EYA2: variants seen among roughly 807,000 people sequenced by gnomAD.
The protein encoded by EYA2 is EYA transcriptional coactivator and phosphatase 2.
Under a neutral mutation model 69.2 loss-of-function variants are expected in EYA2, and 31 were observed. The ratio of observed to expected loss-of-function variants is 0.45; its 90% CI spans 0.34 to 0.60. EYA2 has a LOEUF of 0.60. Ranked by LOEUF, EYA2 falls within the 20% of genes least tolerant of loss-of-function variation. The probability of loss-of-function intolerance (pLI) is 0.02; values close to 1 mark genes in which losing one functional copy is unlikely to be tolerated. For synonymous variants in EYA2, 257 were observed against 279.4 expected, an observed-to-expected ratio of 0.92 and a Z score of 0.80; for missense variants, 622 against 701.2, an observed-to-expected ratio of 0.89 and a Z score of 1.28.
rs2029937789 is a variant in EYA2 at position 47,044,596 on chromosome 20, C to T, written c.416-27589C>T. On this transcript the variant is annotated intron_variant, in intron 5 of 15. Coordinates refer to ENST00000327619, the MANE Select transcript of EYA2 (RefSeq NM_005244.5). The stretch of plus-strand genomic sequence containing the variant: ...GTCTCACTAAGAAGTTGGCGTTGAG[C>T]ACATGGTTCATTCAGCGATCACATT... Among the ~76,000 whole-genome samples, 5 of 152,178 alleles carry T rather than the reference C, an allele frequency of 3.3e-5. No individual in the cohort carries two copies. The South Asian group carries it at 1.0e-3, about 32-fold the overall frequency.
intron 5 of EYA2, among the ~76,000 whole-genome samples, chr20:47,063,813 A>G (rs2146458169): frequency 6.6e-6 from 1 of 152,340 alleles, no homozygotes; most frequent in Middle Eastern, 3.4e-3. Flanking sequence ...AGGACTCCTG[A>G]GCTGCTCCCA....
chr20:47,166,827 C>T (rs1229606627), intron 10 of EYA2: 1 of 152,248 alleles, frequency 6.6e-6, no homozygotes, highest in African/African-American at 2.4e-5. Flanking sequence ...GGGTCATGCC[C>T]CTCACTCAAG....
intron 9 of EYA2, among the ~76,000 whole-genome samples, chr20:47,115,083 C>T (rs777827175): frequency 1.3e-5 from 2 of 152,198 alleles, no homozygotes; most frequent in African/African-American, 2.4e-5. Flanking sequence ...AAGATACTTT[C>T]GGGCATGCCG....
intron 1 of EYA2, among the ~76,000 whole-genome samples, chr20:46,926,856 A>G (rs1406860561): frequency 1.3e-5 from 2 of 152,224 alleles, no homozygotes; most frequent in Non-Finnish European, 2.9e-5. Context: ...CCGTGGGCTC[A>G]CTGGTTGCTG....
At chr20:47,126,744 G>A (rs2033200538) in intron 9 of EYA2, among the ~76,000 whole-genome samples, 1 of 152,132 alleles carries the variant, frequency 6.6e-6, no homozygotes, top group African/African-American at 2.4e-5. Context: ...TTCTCAACTA[G>A]GGGTGATCTT....
At chr20:47,095,156 T>TA (rs1170917725) in intron 8 of EYA2, among the ~76,000 whole-genome samples, 6 of 151,948 alleles carry the variant, frequency 3.9e-5, no homozygotes, top group Non-Finnish European at 8.8e-5. Context: ...CTTGCATCCA[T>TA]AAAATAAAAA....
At chr20:46,908,867 GC>G in intron 1 of EYA2, among the ~76,000 whole-genome samples, 1 of 82,624 alleles carries the variant, frequency 1.2e-5, no homozygotes, top group African/African-American at 5.2e-5. Context: ...CCTCTCTCCC[GC>G]ACTTTTTTTT....
chr20:46,915,216 AC>A (rs1291841854), intron 1 of EYA2, among the ~76,000 whole-genome samples: 5 of 152,344 alleles, frequency 3.3e-5, no homozygotes, highest in African/African-American at 1.2e-4. Flanking sequence ...CGGGGCTGCC[AC>A]GTTTTTTCCT....
chr20:46,959,511 C>T (rs991422074), intron 1 of EYA2, among the ~76,000 whole-genome samples: 10 of 152,188 alleles, frequency 6.6e-5, no homozygotes, highest in East Asian at 5.8e-4. Flanking sequence ...TTTAGCTGAT[C>T]GCAGTGAGGC....
chr20:46,986,294 C>G (rs1308857), intron 1 of EYA2, among the ~76,000 whole-genome samples: 42 of 141,210 alleles, frequency 3.0e-4, no homozygotes, highest in African/African-American at 9.3e-4. Context: ...CTCTATATAT[C>G]TAATGTATAT....
At chr20:47,110,731 A>C (rs535261054) in intron 9 of EYA2, among the ~76,000 whole-genome samples, 190 of 152,358 alleles carry the variant, frequency 1.2e-3, no homozygotes, top group African/African-American at 4.5e-3. Flanking sequence ...ATAAACAAAT[A>C]AACAAAGGGC....
intron 1 of EYA2, among the ~76,000 whole-genome samples, chr20:46,977,680 C>T (rs1568699028): frequency 2.0e-5 from 3 of 152,232 alleles, no homozygotes; most frequent in Admixed American, 6.5e-5. Context: ...TTAGTGTCAG[C>T]TGTGTTCCTG....
rs149651364 is a variant in EYA2 at position 47,008,719 on chromosome 20, C to T, written c.298+3635C>T. The stretch of plus-strand genomic sequence containing the variant: ...TGATAAGAGCACATGTCCTGGAATT[C>T]TGCTGCCCAGATTCACATCCCACCC... On this transcript the variant is annotated intron_variant, in intron 4 of 15. Coordinates refer to ENST00000327619, the MANE Select transcript of EYA2 (RefSeq NM_005244.5). Among the ~76,000 whole-genome samples, 722 of 152,336 alleles carry T rather than the reference C, an allele frequency of 4.7e-3. 2 individuals carry two copies. The highest frequency in any genetic ancestry group is 0.01 in the Middle Eastern group (3 of 294).
intron 1 of EYA2, among the ~76,000 whole-genome samples, chr20:46,913,460 G>A (rs907860275): frequency 6.6e-6 from 1 of 152,150 alleles, no homozygotes; most frequent in African/African-American, 2.4e-5. Flanking sequence ...AGTCCCTGGA[G>A]GAATGGGATC....
intron 4 of EYA2, among the ~76,000 whole-genome samples, chr20:47,009,485 C>T (rs996025857): frequency 1.3e-5 from 2 of 152,140 alleles, no homozygotes; most frequent in Non-Finnish European, 2.9e-5. Flanking sequence ...TAAAGACATA[C>T]ATAATAGAGT....
At chr20:47,052,003 G>C (rs2030363893) in intron 5 of EYA2, among the ~76,000 whole-genome samples, 1 of 152,240 alleles carries the variant, frequency 6.6e-6, no homozygotes, top group Middle Eastern at 3.4e-3. Context: ...CGTTTGTTGT[G>C]TGCCAGGTTC....
At chr20:46,924,408 C>T (rs1347445783) in intron 1 of EYA2, among the ~76,000 whole-genome samples, 1 of 152,140 alleles carries the variant, frequency 6.6e-6, no homozygotes, top group African/African-American at 2.4e-5. Context: ...CGCTGGCTCA[C>T]GCCTGTAATC....
At chr20:47,169,269 G>A in intron 11 of EYA2, 72 bp downstream of exon 11, 2 of 1,478,444 alleles carry the variant, frequency 1.4e-6, no homozygotes, top group South Asian at 1.1e-5. Flanking sequence ...CTACTAGGAA[G>A]TGGGGTGGGA....
At chr20:47,183,172 T>C in intron 14 of EYA2, 119 bp from the exon 15 acceptor site, 1 of 851,374 alleles carries the variant, frequency 1.2e-6, no homozygotes, top group South Asian at 1.6e-5. Flanking sequence ...AAGAACGAAA[T>C]GATGAATACC....
Sources: gnomAD v4.1 joint callset for allele counts (sites outside exome capture counted in the v4.1 genomes callset) on GRCh38, gnomAD v4.1.1 for gene constraint, MANE v1.5 for transcripts, NCBI Gene and HGNC (gene_info 2026-07-23, HGNC 2026-07-21) for gene names.